KLF12: variants seen among roughly 807,000 people sequenced by gnomAD.
The protein encoded by KLF12 is KLF transcription factor 12, also known as Krueppel-like factor 12.
A neutral mutation model predicts 37.8 loss-of-function variants in KLF12; 9 were observed. That is an observed-to-expected ratio of 0.24 (90% CI 0.14 to 0.42). The LOEUF (loss-of-function observed/expected upper bound fraction) is 0.42. Ranked by LOEUF, KLF12 falls within the 10% of genes least tolerant of loss-of-function variation. The probability of loss-of-function intolerance (pLI) is 1.00; values close to 1 mark genes in which losing one functional copy is unlikely to be tolerated. For missense variants in KLF12, 411 were observed against 516.0 expected (o/e 0.80, Z 1.97); for synonymous variants, 208 against 202.1 (o/e 1.03, Z -0.25).
rs1049831495 is a variant in KLF12 at position 73,692,149 on chromosome 13, T to C, written c.*3341A>G. The C allele has an allele frequency of 6.6e-6, 1 of 152,184 alleles. No individual in the cohort carries two copies. The highest frequency in any genetic ancestry group is 2.4e-5 in the African/African-American group (1 of 41,420). The allele number at this position is 152,184 out of a possible 1,614,324, so 9.4% of individuals were successfully genotyped here. On this transcript the variant is annotated 3_prime_UTR_variant, in exon 8 of 8. Transcript: ENST00000377669. The stretch of plus-strand genomic sequence containing the variant: ...ATCTTTATGGTGAAGTCATTAGAAA[T>C]CTCAGTCTAACTGCCTTAATAGAAC...
chr13:74,150,366 T>C, the KLF12 span, among the ~76,000 whole-genome samples: 1 of 152,198 alleles, frequency 6.6e-6, no homozygotes, highest in African/African-American at 2.4e-5. Flanking sequence ...GGTCCCTAAA[T>C]TGTGGACAGT....
Position 73,821,201 on chromosome 13 carries a change from G to A in KLF12, c.671-7914C>T, listed in dbSNP as rs191565591. 6.9e-3 allele frequency among the ~76,000 whole-genome samples: 1,047 copies of A among 151,758 alleles called. 7 individuals are homozygous for A. Among genetic ancestry groups the A allele is most frequent in the African/African-American group, 0.023 (971 of 41,464 alleles). On this transcript the variant is annotated intron_variant, in intron 4 of 7. Transcript: ENST00000377669. ...AGTGTTAGTTGCTGCCCTAGGTTTC[G>A]CTACCTATTCTTTTCTGTCTGCCTC...
At chr13:73,773,097 A>G (rs1207968024) in intron 5 of KLF12, among the ~76,000 whole-genome samples, 1 of 152,240 alleles carries the variant, frequency 6.6e-6, no homozygotes, top group African/African-American at 2.4e-5. Flanking sequence ...TTTAACTGTC[A>G]GATGCACATA....
the KLF12 span, among the ~76,000 whole-genome samples, chr13:74,171,845 A>G: frequency 1.3e-5 from 2 of 152,142 alleles, no homozygotes; most frequent in African/African-American, 2.4e-5. Flanking sequence ...GTTGCTATTT[A>G]TTTGTCCAAA....
intron 6 of KLF12, among the ~76,000 whole-genome samples, chr13:73,737,030 T>A (rs1877513616): frequency 6.6e-6 from 1 of 152,166 alleles, no homozygotes; most frequent in African/African-American, 2.4e-5. Context: ...TACGTACCAG[T>A]GGATTTCTGA....
intron 5 of KLF12, among the ~76,000 whole-genome samples, chr13:73,798,145 A>G (rs1298024277): frequency 6.6e-6 from 1 of 152,176 alleles, no homozygotes; most frequent in African/African-American, 2.4e-5. Context: ...ATTATTTTTG[A>G]GCTGACAGAA....
chr13:73,823,334 C>T (rs1239777779), intron 4 of KLF12, among the ~76,000 whole-genome samples: 5 of 151,048 alleles, frequency 3.3e-5, no homozygotes, highest in Admixed American at 6.6e-5. Context: ...ATCAACTATG[C>T]TATATACAGC....
chr13:74,173,174 A>G, the KLF12 span, among the ~76,000 whole-genome samples: 1 of 152,240 alleles, frequency 6.6e-6, no homozygotes, highest in Non-Finnish European at 1.5e-5. Context: ...ACAACTGGAA[A>G]TGATTGACAA....
chr13:73,943,969 A>T lies in KLF12; in HGVS notation c.123+12T>A. ...CAAAAGGAGTGGGGCATTGCTGGAAACTTGTGCTTACCCCTTGTTCAGATT... is the reference window on the plus strand; with the variant it reads ...CAAAAGGAGTGGGGCATTGCTGGAATCTTGTGCTTACCCCTTGTTCAGATT... On this transcript the variant is annotated intron_variant, in intron 3 of 7. Coordinates refer to ENST00000377669, the MANE Select transcript of KLF12 (RefSeq NM_007249.5). 1 of 1,576,252 alleles carries T rather than the reference A, an allele frequency of 6.3e-7. No homozygotes were observed. The highest frequency in any genetic ancestry group is 8.7e-7 in the Non-Finnish European group (1 of 1,146,444).
chr13:73,967,867 T>A (rs2138082305), intron 2 of KLF12, among the ~76,000 whole-genome samples: 1 of 152,300 alleles, frequency 6.6e-6, no homozygotes, highest in Non-Finnish European at 1.5e-5. Flanking sequence ...GACGATGAAA[T>A]GCTGCATACT....
At chr13:74,251,942 G>A in the KLF12 span, among the ~76,000 whole-genome samples, 1 of 152,088 alleles carries the variant, frequency 6.6e-6, no homozygotes, top group African/African-American at 2.4e-5. Flanking sequence ...CTGCTAGGCT[G>A]AGTCAGTTTT....
Position 73,937,197 on chromosome 13 carries a change from AT to A in KLF12, c.123+6783del, listed in dbSNP as rs1566470872. On this transcript the variant is annotated intron_variant, in intron 3 of 7. Transcript: ENST00000377669. Reference sequence around the variant, plus strand: ...GAGCGAGACTCCGTCTCAAAAAAAAATAAATAAATAAAAAAGGATATTTTTT... The same window carrying A: ...GAGCGAGACTCCGTCTCAAAAAAAAAAAATAAATAAAAAAGGATATTTTTT... Among the ~76,000 whole-genome samples, 91 of 150,436 alleles carry A rather than the reference AT, an allele frequency of 6.0e-4. 2 individuals carry two copies. In the East Asian group the frequency reaches 0.015, roughly 24 times the overall value.
At chr13:74,202,765 A>G in the KLF12 span, among the ~76,000 whole-genome samples, 2 of 152,144 alleles carry the variant, frequency 1.3e-5, no homozygotes. Context: ...GTTTTACAGA[A>G]TTTTATGAGT....
At chr13:74,233,033 G>A in the KLF12 span, among the ~76,000 whole-genome samples, 5 of 152,054 alleles carry the variant, frequency 3.3e-5, no homozygotes, top group East Asian at 3.9e-4. Context: ...CTACAGGCGC[G>A]TTCCACCATG....
In KLF12 at chr13:73,870,240, T is replaced by C. The variant is rs1319449096; in HGVS notation, c.124-23867A>G. On this transcript the variant is annotated intron_variant, in intron 3 of 7. Coordinates refer to ENST00000377669, the MANE Select transcript of KLF12 (RefSeq NM_007249.5). Reference sequence around the variant, plus strand: ...AGAGCACAGCGTCAGTTTTCCCTGATTGCTTCATTTCTCATTTGGCAAACA... The same window carrying C: ...AGAGCACAGCGTCAGTTTTCCCTGACTGCTTCATTTCTCATTTGGCAAACA... Among the ~76,000 whole-genome samples the C allele has an allele frequency of 4.6e-5, 7 of 152,192 alleles. No homozygotes were observed. In the South Asian group the frequency reaches 1.2e-3, roughly 27 times the overall value.
chr13:74,249,379 C>CACACACACACACACAT, the KLF12 span, among the ~76,000 whole-genome samples: 88 of 138,564 alleles, frequency 6.4e-4, 1 homozygote, highest in Non-Finnish European at 9.0e-4. Context: ...CACACACACA[C>CACACACACACACACAT]GCACACCCTC....
At chr13:74,268,070 C>A in the KLF12 span, among the ~76,000 whole-genome samples, 2 of 151,980 alleles carry the variant, frequency 1.3e-5, no homozygotes, top group African/African-American at 4.8e-5. Flanking sequence ...ACTTCTGGAC[C>A]CCGGAACTGT....
At chr13:74,300,762 T>C in the KLF12 span, among the ~76,000 whole-genome samples, 1 of 152,184 alleles carries the variant, frequency 6.6e-6, no homozygotes, top group Non-Finnish European at 1.5e-5. Flanking sequence ...ATTTTAATAA[T>C]CATTTGCAAT....
At chr13:73,705,630 T>C (rs1874876351) in intron 7 of KLF12, among the ~76,000 whole-genome samples, 1 of 152,218 alleles carries the variant, frequency 6.6e-6, no homozygotes, top group South Asian at 2.1e-4. Flanking sequence ...CAATTCCTTA[T>C]TGTCTTTAAT....
Sources: gnomAD v4.1 joint callset for allele counts (sites outside exome capture counted in the v4.1 genomes callset) on GRCh38, gnomAD v4.1.1 for gene constraint, MANE v1.5 for transcripts, NCBI Gene and HGNC (gene_info 2026-07-23, HGNC 2026-07-21) for gene names.